TXNL1: variants seen among roughly 807,000 people sequenced by gnomAD.
The protein encoded by TXNL1 is thioredoxin like 1.
TXNL1 carries 14 observed loss-of-function variants against 35.5 expected under a neutral mutation model. The observed-to-expected ratio is 0.39, with a 90% CI of 0.26 to 0.62. TXNL1 has a LOEUF of 0.62. Among genes scored for constraint, TXNL1 ranks in the 20% least tolerant of loss-of-function variants. The probability of loss-of-function intolerance (pLI) is 0.47; values close to 1 mark genes in which losing one functional copy is unlikely to be tolerated. For synonymous variants in TXNL1, 110 were observed against 115.5 expected, an observed-to-expected ratio of 0.95 and a Z score of 0.31; for missense variants, 263 against 349.7, an observed-to-expected ratio of 0.75 and a Z score of 1.98.
chr18:56,636,253 G>A (rs2024453587), intron 1 of TXNL1, among the ~76,000 whole-genome samples: 1 of 152,124 alleles, frequency 6.6e-6, no homozygotes, highest in South Asian at 2.1e-4. Flanking sequence ...TTAAAATAGG[G>A]TTGGAAAGGA....
chr18:56,615,280 G>T (rs2024065660), intron 5 of TXNL1, among the ~76,000 whole-genome samples: 2 of 150,324 alleles, frequency 1.3e-5, no homozygotes, highest in Admixed American at 6.7e-5. Context: ...TGTAATTTCA[G>T]AGTAAAAGTA....
chr18:56,629,864 T>C (rs2024343468), intron 1 of TXNL1, among the ~76,000 whole-genome samples: 4 of 152,242 alleles, frequency 2.6e-5, no homozygotes. Context: ...GGCAAACTAC[T>C]TGAAACCCAT....
intron 2 of TXNL1, among the ~76,000 whole-genome samples, chr18:56,625,361 C>A (rs2024258991): frequency 6.6e-6 from 1 of 152,004 alleles, no homozygotes. Flanking sequence ...TACAGGAAAT[C>A]TAATATATCC....
rs1215899206 is a variant in TXNL1, at chr18:56,607,113, C to A, written c.840+3880G>T. Among the ~76,000 whole-genome samples the A allele has an allele frequency of 2.0e-5, 3 of 151,768 alleles. No homozygotes were observed. In the East Asian group the frequency reaches 5.8e-4, roughly 29 times the overall value. On this transcript the variant is annotated intron_variant, in intron 7 of 7. Coordinates refer to ENST00000217515, the MANE Select transcript of TXNL1 (RefSeq NM_004786.3). ...CAAGCGATCTTCCCACCTCAGCCTC[C>A]CAGGTAGCTAGAACTACAGGTGTGC...
In TXNL1 at chr18:56,616,418, C is replaced by T. The variant is rs951111546; in HGVS notation, c.493-104G>A. 8.6e-6 allele frequency: 9 copies of T among 1,045,774 alleles called. No individual in the cohort carries two copies. In the African/African-American group the frequency reaches 1.1e-4, roughly 13 times the overall value. 64.8% of individuals were successfully genotyped at this position (1,045,774 alleles called of 1,614,324 possible). A position where few individuals can be genotyped will look rare whatever the true frequency, so the allele number is the denominator to read the frequency against. Reference sequence around the variant, plus strand: ...AACAGGCAAGAAAAAAAAAACCAACCTAATTCATCGAACAAAACCAACGTA... The same window carrying T: ...AACAGGCAAGAAAAAAAAAACCAACTTAATTCATCGAACAAAACCAACGTA... On this transcript the variant is annotated intron_variant, in intron 4 of 7. Coordinates refer to ENST00000217515, the MANE Select transcript of TXNL1 (RefSeq NM_004786.3).
intron 7 of TXNL1, among the ~76,000 whole-genome samples, chr18:56,607,181 G>GTGTGTGTGT (rs1452326965): frequency 2.0e-5 from 3 of 149,564 alleles, no homozygotes; most frequent in South Asian, 4.2e-4. Context: ...GTGTGTGTGT[G>GTGTGTGTGT]TGTGTGTGTG....
At chr18:56,611,649 T>C (rs1019651619) in intron 6 of TXNL1, among the ~76,000 whole-genome samples, 8 of 152,156 alleles carry the variant, frequency 5.3e-5, no homozygotes, top group African/African-American at 1.2e-4. Flanking sequence ...TATAAGTTCA[T>C]GGTAACTTGG....
chr18:56,603,286 T>G (rs528421587), intron 7 of TXNL1, among the ~76,000 whole-genome samples: 190 of 151,946 alleles, frequency 1.3e-3, no homozygotes, highest in South Asian at 9.6e-3. Context: ...ACACAGTTTT[T>G]TTTTTTTTTT....
At chr18:56,626,677 A>G (rs2024286065) in intron 1 of TXNL1, among the ~76,000 whole-genome samples, 1 of 150,468 alleles carries the variant, frequency 6.6e-6, no homozygotes, top group South Asian at 2.1e-4. Context: ...TTGTATTTTT[A>G]GTAGAGACAT....
chr18:56,609,380 G>C (rs1309407582), intron 7 of TXNL1: 1 of 152,198 alleles, frequency 6.6e-6, no homozygotes, highest in East Asian at 1.9e-4. Context: ...TAGGCTAGAA[G>C]GGATGTGAGG....
chr18:56,616,896 T>C (rs533223117), intron 4 of TXNL1, among the ~76,000 whole-genome samples: 4 of 152,314 alleles, frequency 2.6e-5, no homozygotes, highest in African/African-American at 9.6e-5. Flanking sequence ...ACTGTCAGAA[T>C]GTTTCTCTCT....
Position 56,602,659 on chromosome 18 carries a change from GTGTACACA to G in TXNL1, c.*360_*367del. On this transcript the variant is annotated 3_prime_UTR_variant, in exon 8 of 8. Coordinates refer to ENST00000217515, the MANE Select transcript of TXNL1 (RefSeq NM_004786.3). ...CTTATCAAAATAACTTGCCATGAAT[GTGTACACA>G]TGTACTTCTTAATTCCCTAGAACAG... 1 of 230,532 alleles carries G rather than the reference GTGTACACA, an allele frequency of 4.3e-6. No individual in the cohort carries two copies. Among genetic ancestry groups the G allele is most frequent in the Non-Finnish European group, 8.3e-6 (1 of 119,972 alleles). The allele number at this position is 230,532 out of a possible 1,614,324, so 14.3% of individuals were successfully genotyped here. A position where few individuals can be genotyped will look rare whatever the true frequency, so the allele number is the denominator to read the frequency against.
At chr18:56,628,785 T>C (rs1354955364) in intron 1 of TXNL1, among the ~76,000 whole-genome samples, 2 of 152,224 alleles carry the variant, frequency 1.3e-5, no homozygotes, top group African/African-American at 2.4e-5. Flanking sequence ...GTGCCATGTA[T>C]GTCTCAATAA....
chr18:56,633,366 G>C (rs909726589), intron 1 of TXNL1, among the ~76,000 whole-genome samples: 1 of 150,272 alleles, frequency 6.7e-6, no homozygotes, highest in African/African-American at 2.5e-5. Context: ...AGAATGGCGT[G>C]AACTCGGGAG....
chr18:56,620,207 C>T (rs2024158685), intron 3 of TXNL1, among the ~76,000 whole-genome samples: 1 of 152,110 alleles, frequency 6.6e-6, no homozygotes, highest in African/African-American at 2.4e-5. Context: ...CTCAAGTGAT[C>T]TACCCACCTC....
intron 2 of TXNL1, 80 bp from the exon 3 acceptor site, chr18:56,624,541 T>TA (rs1376264223): frequency 4.9e-6 from 7 of 1,426,286 alleles, no homozygotes; most frequent in Non-Finnish European, 5.7e-6. Context: ...TTATGGAAGT[T>TA]AAATACCATA....
Position 56,602,980 on chromosome 18 carries a change from G to C in TXNL1, c.*47C>G. The C allele has an allele frequency of 6.3e-7, 1 of 1,595,224 alleles. No homozygotes were observed. Among genetic ancestry groups the C allele is most frequent in the Non-Finnish European group, 8.6e-7 (1 of 1,163,508 alleles). Reference sequence around the variant, plus strand: ...TGGCGAGAATCAAGCAATTATCCAGGAGCTGTAGATCTGATTGCAATATGG... The same window carrying C: ...TGGCGAGAATCAAGCAATTATCCAGCAGCTGTAGATCTGATTGCAATATGG... On this transcript the variant is annotated 3_prime_UTR_variant, in exon 8 of 8. Transcript: ENST00000217515.
intron 1 of TXNL1, among the ~76,000 whole-genome samples, 194 bp downstream of exon 1, chr18:56,638,149 C>A (rs2024486716): frequency 1.3e-5 from 2 of 152,210 alleles, no homozygotes; most frequent in Non-Finnish European, 2.9e-5. Flanking sequence ...GGCCCCCGAG[C>A]CCGTCTAGGA....
intron 6 of TXNL1, among the ~76,000 whole-genome samples, chr18:56,612,636 G>A (rs575648668): frequency 1.3e-5 from 2 of 152,176 alleles, no homozygotes; most frequent in South Asian, 4.1e-4. Context: ...AGCCTCCCAA[G>A]TAGCTGGGAC....
Sources: allele counts gnomAD v4.1 joint callset (sites outside exome capture counted in the v4.1 genomes callset), GRCh38; gene constraint gnomAD v4.1.1; transcripts MANE v1.5; gene names NCBI Gene and HGNC (gene_info 2026-07-23, HGNC 2026-07-21).